The following YBX2 variants were observed in gnomAD, a reference collection of about 807,000 sequenced individuals.
YBX2 encodes Y-box binding protein 2, also known as Y-box-binding protein 2.
In YBX2, 5 loss-of-function variants were observed where a neutral mutation model predicts 44.4. The observed-to-expected ratio is 0.11, with a 90% CI of 0.06 to 0.24. The LOEUF is 0.24. Ranked by LOEUF, YBX2 falls within the 10% of genes least tolerant of loss-of-function variation. YBX2 has a pLI of 1.00. For missense variants in YBX2, 417 were observed against 526.9 expected, an observed-to-expected ratio of 0.79 and a Z score of 2.04; for synonymous variants, 188 against 216.1, an observed-to-expected ratio of 0.87 and a Z score of 1.14.
chr17:7,292,308 CA>C, intron 2 of YBX2: 1 of 528,948 alleles, frequency 1.9e-6, no homozygotes, highest in Non-Finnish European at 3.4e-6. Flanking sequence ...GCTGGGGAGG[CA>C]AAGGCACCTT....
intron 2 of YBX2, chr17:7,292,424 C>CT (rs2072507967): frequency 2.4e-5 from 7 of 292,374 alleles, no homozygotes; most frequent in Non-Finnish European, 4.7e-5. Flanking sequence ...CCAACACCCC[C>CT]TCCCCCAACC....
chr17:7,289,973 G>A lies in YBX2; in HGVS notation c.843C>T (p.Tyr281=), dbSNP rs267605051. 6.2e-7 allele frequency: 1 copy of A among 1,614,224 alleles called. No individual in the cohort carries two copies. Among genetic ancestry groups the A allele is most frequent in the African/African-American group, 1.3e-5 (1 of 75,068 alleles). Residue 281 remains tyrosine, a synonymous_variant, in exon 6 of 9, where the codon TAC becomes TAT. Transcript: ENST00000007699. The part of the protein sequence containing the change: ...RVPPPRFRPR[Y]RRPFRPRPRQ... ...CCCCAGCAGGGGGGTCTTACCTTCG[G>A]TACCTGGGCCGGAATCTGGGCGGGG...
At position 7,291,455 on chromosome 17, in the gene YBX2, A is replaced by C; in HGVS notation, c.370-273T>G. The C allele has an allele frequency of 4.0e-6, 2 of 503,396 alleles. No individual in the cohort carries two copies. Among genetic ancestry groups the C allele is most frequent in the Non-Finnish European group, 7.2e-6 (2 of 277,086 alleles). The allele number at this position is 503,396 out of a possible 1,614,324, so 31.2% of individuals were successfully genotyped here. On this transcript the variant is annotated intron_variant, in intron 3 of 8. Coordinates refer to ENST00000007699, the MANE Select transcript of YBX2 (RefSeq NM_015982.4). This position sits in a 1 kb window ranked among gnomAD's most constrained non-coding sequence, Gnocchi z 5.8. ...CCTCAGGGATTTCAGAAAGGGAGGCAAGAAATATGAACTCCAAAGCAAAAG... is the reference window on the plus strand; with the variant it reads ...CCTCAGGGATTTCAGAAAGGGAGGCCAGAAATATGAACTCCAAAGCAAAAG...
In YBX2 at chr17:7,288,811, G is replaced by A; in HGVS notation, c.1072C>T (p.Pro358Ser). ...AATCACTCCAGGATGGTGGTGGTGG[G>A]GTCCCCACTGTTGACAGGGGCTGAG... is the stretch of plus-strand genomic sequence containing the variant. ...ETSAPVNSGD[P>S]TTTILE The change falls in exon 8 of 9, where the codon CCC becomes TCC. Residue 358 changes from proline to serine, a missense_variant. Physicochemically the swap from Pro to Ser is moderately conservative, Grantham distance 74 (BLOSUM62 -1). Coordinates refer to ENST00000007699, the MANE Select transcript of YBX2 (RefSeq NM_015982.4). The A allele has an allele frequency of 6.2e-7, 1 of 1,613,852 alleles. No individual in the cohort carries two copies. The highest frequency in any genetic ancestry group is 8.5e-7 in the Non-Finnish European group (1 of 1,179,858).
At position 7,290,433 on chromosome 17, in the gene YBX2, G is replaced by T; in HGVS notation, c.562C>A (p.Pro188Thr). The T allele has an allele frequency of 6.2e-7, 1 of 1,614,124 alleles. No homozygotes were observed. The highest frequency in any genetic ancestry group is 8.5e-7 in the Non-Finnish European group (1 of 1,180,014). ...RKSRRFIPRP[P>T]SVAPPPMVAE... Reference sequence around the variant, plus strand: ...ACCATGGGTGGTGGGGCAACTGAGGGAGGCCGGGGGATGAATCGGCGGGAC... The same window carrying T: ...ACCATGGGTGGTGGGGCAACTGAGGTAGGCCGGGGGATGAATCGGCGGGAC... Residue 188 changes from proline to threonine, a missense_variant, in exon 5 of 9, where the codon CCC becomes ACC. Pro to Thr is a conservative substitution (Grantham distance 38). Coordinates refer to ENST00000007699, the MANE Select transcript of YBX2 (RefSeq NM_015982.4).
chr17:7,288,300 T>A lies in YBX2; in HGVS notation c.*383A>T, dbSNP rs994189955. ...TTTTACTGGAGGCTCAGGTGGCACA[T>A]GACAGATCATAAAATGGCTTCAGAG... On this transcript the variant is annotated 3_prime_UTR_variant, in exon 9 of 9. Coordinates refer to ENST00000007699, the MANE Select transcript of YBX2 (RefSeq NM_015982.4). The A allele has an allele frequency of 5.9e-6, 1 of 169,020 alleles. No homozygotes were observed. The highest frequency in any genetic ancestry group is 1.3e-5 in the Non-Finnish European group (1 of 77,898). 10.5% of individuals were successfully genotyped at this position (169,020 alleles called of 1,614,324 possible).
rs1415090818 is a variant in YBX2, at chr17:7,289,990, T to G, written c.826A>C (p.Arg276=). The change falls in exon 6 of 9, where the codon AGA becomes CGA. Residue 276 remains arginine, a synonymous_variant. Coordinates refer to ENST00000007699, the MANE Select transcript of YBX2 (RefSeq NM_015982.4). ...TACCTTCGGTACCTGGGCCGGAATC[T>G]GGGCGGGGGGACTCGCTCATCTCCC... ...QQGDERVPPP[R]FRPRYRRPFR... The G allele has an allele frequency of 1.9e-6, 3 of 1,614,236 alleles. No homozygotes were observed. In the South Asian group the frequency reaches 3.3e-5, roughly 18 times the overall value.
rs930535277 is a variant in YBX2 at position 7,291,896 on chromosome 17, G to C, written c.369+130C>G. ...AGTGCGGCTAATGGTGGTTGACACA[G>C]GCACCCAAGGCGGATGGGCCGTTGT... On this transcript the variant is annotated intron_variant, in intron 3 of 8. Coordinates refer to ENST00000007699, the MANE Select transcript of YBX2 (RefSeq NM_015982.4). This position sits in a 1 kb window ranked among gnomAD's most constrained non-coding sequence, Gnocchi z 5.8. The C allele has an allele frequency of 3.4e-6, 4 of 1,185,246 alleles. No individual in the cohort carries two copies. Among genetic ancestry groups the C allele is most frequent in the Non-Finnish European group, 5.0e-6 (4 of 799,690 alleles). 73.4% of individuals were successfully genotyped at this position (1,185,246 alleles called of 1,614,324 possible). A position where few individuals can be genotyped will look rare whatever the true frequency, so the allele number is the denominator to read the frequency against.
At chr17:7,289,316 G>A (rs2143005440) in intron 7 of YBX2, among the ~76,000 whole-genome samples, 1 of 151,182 alleles carries the variant, frequency 6.6e-6, no homozygotes, top group South Asian at 2.1e-4. Flanking sequence ...TGGCCATCAT[G>A]GGCAATCATG....
rs2072501768 is a variant in YBX2 at position 7,291,542 on chromosome 17, G to T, written c.370-360C>A. 2 of 398,952 alleles carry T rather than the reference G, an allele frequency of 5.0e-6. No individual in the cohort carries two copies. The highest frequency in any genetic ancestry group is 9.5e-6 in the Non-Finnish European group (2 of 210,568). 24.7% of individuals were successfully genotyped at this position (398,952 alleles called of 1,614,324 possible). ...CACTGTGCTTCTTACCTCAGTCCCA[G>T]TGAGAGCTCTTTCCACCAAGCAGTG... is the stretch of plus-strand genomic sequence containing the variant. On this transcript the variant is annotated intron_variant, in intron 3 of 8. Coordinates refer to ENST00000007699, the MANE Select transcript of YBX2 (RefSeq NM_015982.4). This position sits in a 1 kb window ranked among gnomAD's most constrained non-coding sequence, Gnocchi z 5.8.
chr17:7,293,576 G>A (rs2072517083), intron 1 of YBX2, 38 bp from the exon 2 acceptor site: 1 of 1,614,016 alleles, frequency 6.2e-7, no homozygotes, highest in South Asian at 1.1e-5. Context: ...GTGAGATGGG[G>A]GGAAGAGATG....
Position 7,294,212 on chromosome 17 carries a change from T to C in YBX2, c.271+18A>G. 1 of 1,225,210 alleles carries C rather than the reference T, an allele frequency of 8.2e-7. No homozygotes were observed. Among genetic ancestry groups the C allele is most frequent in the Non-Finnish European group, 1.0e-6 (1 of 985,476 alleles). 75.9% of individuals were successfully genotyped at this position (1,225,210 alleles called of 1,614,324 possible). ...CCGCCGACCCCTCAGAGCCGCCCTG[T>C]GCGCGCCTGCCCCTCACCCAGCACC... On this transcript the variant is annotated intron_variant, in intron 1 of 8. Coordinates refer to ENST00000007699, the MANE Select transcript of YBX2 (RefSeq NM_015982.4). The surrounding 1 kb of genome is among the most constrained non-coding windows in gnomAD (Gnocchi z 4.6).
In YBX2 at chr17:7,291,709, G is replaced by C. The variant is rs1005353280; in HGVS notation, c.369+317C>G. ...ATGTCAGGTGATGCTGCTGCCGCTG[G>C]TGCAGGGGCCACGCTTTGAGAACCA... On this transcript the variant is annotated intron_variant, in intron 3 of 8. Transcript: ENST00000007699. This position sits in a 1 kb window ranked among gnomAD's most constrained non-coding sequence, Gnocchi z 5.8. The C allele has an allele frequency of 1.4e-5, 6 of 439,780 alleles. No homozygotes were observed. In the East Asian group the frequency reaches 2.7e-4, roughly 20 times the overall value. The allele number at this position is 439,780 out of a possible 1,614,324, so 27.2% of individuals were successfully genotyped here. A position where few individuals can be genotyped will look rare whatever the true frequency, so the allele number is the denominator to read the frequency against.
In YBX2 at chr17:7,288,760, T is replaced by C; in HGVS notation, c.*28A>G. ...CACCAGCCACTCACCAGATGGCAGC[T>C]CTGGGTGTCCTCTGAGTTGAGTTGG... On this transcript the variant is annotated 3_prime_UTR_variant, in exon 8 of 9. Coordinates refer to ENST00000007699, the MANE Select transcript of YBX2 (RefSeq NM_015982.4). 1 of 1,613,788 alleles carries C rather than the reference T, an allele frequency of 6.2e-7. No homozygotes were observed. The highest frequency in any genetic ancestry group is 8.5e-7 in the Non-Finnish European group (1 of 1,179,782).
rs1053221450 is a variant in YBX2, at chr17:7,291,327, T to G, written c.370-145A>C. Reference sequence around the variant, plus strand: ...GGGTGGAGCAAGGAGGTGGTCAAAGTTTAGCAGGGGAAAAGTCCTGAACTC... The same window carrying G: ...GGGTGGAGCAAGGAGGTGGTCAAAGGTTAGCAGGGGAAAAGTCCTGAACTC... On this transcript the variant is annotated intron_variant, in intron 3 of 8. Coordinates refer to ENST00000007699, the MANE Select transcript of YBX2 (RefSeq NM_015982.4). This position sits in a 1 kb window ranked among gnomAD's most constrained non-coding sequence, Gnocchi z 5.8. 10 of 790,710 alleles carry G rather than the reference T, an allele frequency of 1.3e-5. No homozygotes were observed. The Admixed American group carries it at 2.0e-4, about 16-fold the overall frequency. The allele number at this position is 790,710 out of a possible 1,614,324, so 49.0% of individuals were successfully genotyped here.
chr17:7,291,894 C>A lies in YBX2; in HGVS notation c.369+132G>T. On this transcript the variant is annotated intron_variant, in intron 3 of 8. Transcript: ENST00000007699. The surrounding 1 kb of genome is among the most constrained non-coding windows in gnomAD (Gnocchi z 5.8). ...CAAGTGCGGCTAATGGTGGTTGACA[C>A]AGGCACCCAAGGCGGATGGGCCGTT... 8.5e-7 allele frequency: 1 copy of A among 1,169,732 alleles called. No individual in the cohort carries two copies. Among genetic ancestry groups the A allele is most frequent in the South Asian group, 1.3e-5 (1 of 78,132 alleles). The allele number at this position is 1,169,732 out of a possible 1,614,324, so 72.5% of individuals were successfully genotyped here.
rs898215131 is a variant in YBX2 at position 7,290,350 on chromosome 17, G to A, written c.645C>T (p.Asp215=). ...ACCATCGTCGGGGCCGTTGCCCAGA[G>A]TCTTCAGCCCGCTCCCCTTTACTGC... The part of the protein sequence containing the change: ...GPGSKGERAE[D]SGQRPRRWCP... The change falls in exon 5 of 9, where the codon GAC becomes GAT. Residue 215 remains aspartate, a synonymous_variant. Transcript: ENST00000007699. 5.6e-6 allele frequency: 9 copies of A among 1,613,744 alleles called. No individual in the cohort carries two copies. The highest frequency in any genetic ancestry group is 7.6e-6 in the Non-Finnish European group (9 of 1,180,000).
At chr17:7,292,500 G>C (rs892702254) in intron 2 of YBX2, 7 of 220,738 alleles carry the variant, frequency 3.2e-5, no homozygotes, top group Admixed American at 1.5e-4. Flanking sequence ...AGTGCAGATG[G>C]GGCCAGAGGG....
At chr17:7,288,970 T>A in intron 7 of YBX2, 132 bp from the exon 8 acceptor site, 1 of 1,159,892 alleles carries the variant, frequency 8.6e-7, no homozygotes, top group Non-Finnish European at 1.3e-6. Context: ...CAAGTGATTC[T>A]CCTGCCTTAG....
Sources: allele counts gnomAD v4.1 joint callset (sites outside exome capture counted in the v4.1 genomes callset), GRCh38; gene constraint gnomAD v4.1.1; non-coding constraint Gnocchi (gnomAD v3.1); transcripts MANE v1.5; gene names NCBI Gene and HGNC (gene_info 2026-07-23, HGNC 2026-07-21).